OTUD7A: variants seen among roughly 807,000 people sequenced by gnomAD.
OTUD7A encodes the protein OTU domain-containing protein 7A.
A neutral mutation model predicts 65.7 loss-of-function variants in OTUD7A; 12 were observed. The ratio of observed to expected loss-of-function variants is 0.18; its 90% CI spans 0.12 to 0.30. The LOEUF (loss-of-function observed/expected upper bound fraction) is 0.30, where lower values mean the gene tolerates loss of function less well. Among genes scored for constraint, OTUD7A ranks in the 10% least tolerant of loss-of-function variants. OTUD7A has a pLI of 1.00. For synonymous variants in OTUD7A, 641 were observed against 586.3 expected (o/e 1.09, Z -1.35); for missense variants, 1,148 against 1,304.8 (o/e 0.88, Z 1.85).
chr15:31,550,011 A>G (rs2141145019), intron 5 of OTUD7A, among the ~76,000 whole-genome samples: 1 of 151,728 alleles, frequency 6.6e-6, no homozygotes, highest in Non-Finnish European at 1.5e-5. Context: ...GAGGCAGGAG[A>G]ATCGCTTGAA....
intron 6 of OTUD7A, among the ~76,000 whole-genome samples, chr15:31,529,065 G>C (rs1399127993): frequency 1.3e-5 from 2 of 152,180 alleles, no homozygotes; most frequent in Non-Finnish European, 2.9e-5. Context: ...GTGCTCACAG[G>C]GAAAATGCTG....
chr15:31,530,183 A>G (rs1236117349), intron 6 of OTUD7A, among the ~76,000 whole-genome samples: 1 of 152,186 alleles, frequency 6.6e-6, no homozygotes, highest in Non-Finnish European at 1.5e-5. Flanking sequence ...CCATTAGTCC[A>G]TGCCAACTGT....
chr15:31,483,525 G>A lies in OTUD7A; in HGVS notation c.2571C>T (p.Thr857=), dbSNP rs1196601192. The stretch of plus-strand genomic sequence containing the variant: ...GCAGGGCGCCGAAGCCGTTGGTGTA[G>A]GTCTGCGACTTGTGCTCGGCCGCCC... ...TAGAAEHKSQ[T]YTNGFGALRD... is the part of the protein sequence containing the mutation. Residue 857 remains threonine (T), a synonymous_variant, in exon 13 of 13, where the codon ACC becomes ACT. Coordinates refer to ENST00000307050, the MANE Select transcript of OTUD7A (RefSeq NM_001382637.1). The A allele has an allele frequency of 3.6e-6, 5 of 1,382,226 alleles. No individual in the cohort carries two copies. In the African/African-American group the frequency reaches 6.2e-5, roughly 17 times the overall value. 85.6% of individuals were successfully genotyped at this position (1,382,226 alleles called of 1,614,324 possible).
intron 1 of OTUD7A, among the ~76,000 whole-genome samples, chr15:31,743,643 A>G (rs1894399859): frequency 6.6e-6 from 1 of 152,156 alleles, no homozygotes; most frequent in African/African-American, 2.4e-5. Context: ...ATGGTAGCTC[A>G]TGCCTGTAAT....
chr15:31,623,207 A>C (rs1181553334), intron 3 of OTUD7A, among the ~76,000 whole-genome samples: 1 of 152,216 alleles, frequency 6.6e-6, no homozygotes, highest in Non-Finnish European at 1.5e-5. Context: ...GGCTACTCAG[A>C]GGTCAGGGAC....
Position 31,773,133 on chromosome 15 carries a change from C to T in OTUD7A, c.-100+97374G>A, listed in dbSNP as rs548481134. ...ATGAACGATTATTATTTAGCATGTACTCCATTTAAATGACAAAATGCAGGA... is the reference window on the plus strand; with the variant it reads ...ATGAACGATTATTATTTAGCATGTATTCCATTTAAATGACAAAATGCAGGA... On this transcript the variant is annotated intron_variant, in intron 1 of 12. Coordinates refer to ENST00000307050, the MANE Select transcript of OTUD7A (RefSeq NM_001382637.1). Among the ~76,000 whole-genome samples the T allele has an allele frequency of 3.3e-5, 5 of 152,170 alleles. No homozygotes were observed. The East Asian group carries it at 9.7e-4, about 29-fold the overall frequency.
chr15:31,609,142 C>T (rs1467315293), intron 3 of OTUD7A, among the ~76,000 whole-genome samples: 1 of 152,128 alleles, frequency 6.6e-6, no homozygotes, highest in Non-Finnish European at 1.5e-5. Flanking sequence ...CCACAGGGAT[C>T]GGGGGGCAGT....
At chr15:31,569,217 A>T (rs1384025704) in intron 4 of OTUD7A, among the ~76,000 whole-genome samples, 1 of 152,240 alleles carries the variant, frequency 6.6e-6, no homozygotes, top group East Asian at 1.9e-4. Flanking sequence ...AAGCACCAGT[A>T]TGTAAGATTA....
intron 1 of OTUD7A, among the ~76,000 whole-genome samples, chr15:31,765,467 T>C (rs955235782): frequency 6.6e-6 from 1 of 152,176 alleles, no homozygotes; most frequent in Non-Finnish European, 1.5e-5. Context: ...CAGCTCAGTT[T>C]TCAAAATTCA....
intron 1 of OTUD7A, among the ~76,000 whole-genome samples, chr15:31,802,544 C>A (rs534601023): frequency 1.3e-5 from 2 of 152,240 alleles, no homozygotes; most frequent in East Asian, 3.9e-4. Flanking sequence ...GTATTAACCA[C>A]CACATAAAGT....
chr15:31,855,483 T>C (rs1405570452), intron 1 of OTUD7A, among the ~76,000 whole-genome samples: 1 of 151,876 alleles, frequency 6.6e-6, no homozygotes, highest in Non-Finnish European at 1.5e-5. Flanking sequence ...AACTATACAA[T>C]GAACTCCAGA....
intron 5 of OTUD7A, among the ~76,000 whole-genome samples, chr15:31,539,284 C>CT (rs1887910243): frequency 6.6e-6 from 1 of 152,076 alleles, no homozygotes; most frequent in African/African-American, 2.4e-5. Context: ...GGACTTTCCC[C>CT]TTCCTATCCC....
At chr15:31,504,806 G>A (rs1299516482) in intron 8 of OTUD7A, among the ~76,000 whole-genome samples, 2 of 152,110 alleles carry the variant, frequency 1.3e-5, no homozygotes, top group African/African-American at 2.4e-5. Flanking sequence ...CAGAATGCAG[G>A]GTGTGAATCC....
At chr15:31,564,587 G>A (rs1888805607) in intron 4 of OTUD7A, among the ~76,000 whole-genome samples, 1 of 151,902 alleles carries the variant, frequency 6.6e-6, no homozygotes, top group Admixed American at 6.6e-5. Flanking sequence ...AAAATAATAG[G>A]AAGAAAACCA....
At chr15:31,864,330 G>A (rs1453792657) in intron 1 of OTUD7A, among the ~76,000 whole-genome samples, 2 of 152,092 alleles carry the variant, frequency 1.3e-5, no homozygotes, top group African/African-American at 2.4e-5. Context: ...CCAATTTACT[G>A]TATTAGTTTG....
Position 31,480,811 on chromosome 15 carries a change from A to C in OTUD7A, c.*2483T>G, listed in dbSNP as rs1234623419. On this transcript the variant is annotated 3_prime_UTR_variant, in exon 13 of 13. Transcript: ENST00000307050. ...TCCTAAGTCATGTGGACTGAGTGGT[A>C]ATGTATCAGCCTGGAGCAGGTGTCT... is the stretch of plus-strand genomic sequence containing the variant. The C allele has an allele frequency of 6.6e-6, 1 of 152,268 alleles. No individual in the cohort carries two copies. Among genetic ancestry groups the C allele is most frequent in the African/African-American group, 2.4e-5 (1 of 41,474 alleles). The allele number at this position is 152,268 out of a possible 1,614,324, so 9.4% of individuals were successfully genotyped here.
At chr15:31,863,756 G>A (rs1486760746) in intron 1 of OTUD7A, among the ~76,000 whole-genome samples, 2 of 152,150 alleles carry the variant, frequency 1.3e-5, no homozygotes, top group Non-Finnish European at 2.9e-5. Context: ...TTTCCCCATG[G>A]TCTTAGTGTT....
In OTUD7A at chr15:31,482,026, C is replaced by G. The variant is rs1202801054; in HGVS notation, c.*1268G>C. 6.6e-6 allele frequency: 1 copy of G among 152,238 alleles called. No individual in the cohort carries two copies. The highest frequency in any genetic ancestry group is 1.5e-5 in the Non-Finnish European group (1 of 68,044). The allele number at this position is 152,238 out of a possible 1,614,324, so 9.4% of individuals were successfully genotyped here. A position where few individuals can be genotyped will look rare whatever the true frequency, so the allele number is the denominator to read the frequency against. On this transcript the variant is annotated 3_prime_UTR_variant, in exon 13 of 13. Transcript: ENST00000307050. ...GAGGCAGATTTAGCTCCTCAGTGTC[C>G]TTGGCCAAGAACGGTGTTCTCCGGA...
chr15:31,761,812 A>G (rs1359687235), intron 1 of OTUD7A, among the ~76,000 whole-genome samples: 1 of 152,250 alleles, frequency 6.6e-6, no homozygotes, highest in East Asian at 1.9e-4. Context: ...ATACAATTGA[A>G]TATCAATCAG....
Sources: gnomAD v4.1 joint callset for allele counts (sites outside exome capture counted in the v4.1 genomes callset) on GRCh38, gnomAD v4.1.1 for gene constraint, MANE v1.5 for transcripts, NCBI Gene and HGNC (gene_info 2026-07-23, HGNC 2026-07-21) for gene names.